Variants in RORA observed in about 807,000 individuals in gnomAD.
RORA encodes the protein nuclear receptor ROR-alpha.
In RORA, 7 loss-of-function variants were observed where a neutral mutation model predicts 69.5. The observed-to-expected ratio is 0.10, with a 90% CI of 0.06 to 0.19. The LOEUF is 0.19. Ranked by LOEUF, RORA falls within the 10% of genes least tolerant of loss-of-function variation. RORA has a pLI of 1.00. For synonymous variants in RORA, 261 were observed against 240.8 expected, an observed-to-expected ratio of 1.08 and a Z score of -0.78; for missense variants, 457 against 663.0, an observed-to-expected ratio of 0.69 and a Z score of 3.41.
chr15:61,165,374 T>A (rs1022470036), intron 1 of RORA, among the ~76,000 whole-genome samples: 1 of 152,310 alleles, frequency 6.6e-6, no homozygotes, highest in East Asian at 1.9e-4. Context: ...CCCCTCTTTA[T>A]TTCCAGAGCA....
At chr15:60,500,048 G>C in intron 9 of RORA, 44 bp from the exon 10 acceptor site, 1 of 1,195,358 alleles carries the variant, frequency 8.4e-7, no homozygotes, top group Non-Finnish European at 1.2e-6. Context: ...CTCTGACATG[G>C]TGTCAGGATC....
In RORA at chr15:61,095,884, C is replaced by G. The variant is rs75321077; in HGVS notation, c.166+133169G>C. On this transcript the variant is annotated intron_variant, in intron 1 of 10. Transcript: ENST00000335670. ...TCTAAAAGTCAGGACAACTTCCAAA[C>G]TGGCCCATCTTTTCTACTAAAGGCC... is the stretch of plus-strand genomic sequence containing the variant. 8.0e-3 allele frequency among the ~76,000 whole-genome samples: 1,213 copies of G among 152,316 alleles called. 39 individuals are homozygous for G. The East Asian group carries it at 0.1, about 13-fold the overall frequency.
At chr15:60,568,007 A>G (rs1171600979) in intron 2 of RORA, among the ~76,000 whole-genome samples, 4 of 152,170 alleles carry the variant, frequency 2.6e-5, no homozygotes, top group African/African-American at 9.7e-5. Flanking sequence ...TTTGTGTGAG[A>G]TAATTCTTTG....
chr15:60,798,950 T>C (rs888030754), intron 1 of RORA, among the ~76,000 whole-genome samples: 1 of 151,060 alleles, frequency 6.6e-6, no homozygotes, highest in Non-Finnish European at 1.5e-5. Context: ...TTTTTTTTTT[T>C]TAAACTCAAG....
intron 2 of RORA, among the ~76,000 whole-genome samples, chr15:60,611,629 A>G (rs536826222): frequency 6.9e-6 from 1 of 144,000 alleles, no homozygotes; most frequent in South Asian, 2.3e-4. Flanking sequence ...GAGAACTCTT[A>G]GCACCTAGTA....
intron 2 of RORA, among the ~76,000 whole-genome samples, chr15:60,550,858 C>G (rs889544891): frequency 3.3e-5 from 5 of 152,110 alleles, no homozygotes; most frequent in African/African-American, 9.7e-5. Context: ...ATTGAATGAA[C>G]TCATTACCAC....
At position 60,511,120 on chromosome 15, in the gene RORA, G is replaced by A; in HGVS notation, c.820+106C>T. 1.6e-6 allele frequency: 2 copies of A among 1,265,780 alleles called. No homozygotes were observed. Among genetic ancestry groups the A allele is most frequent in the South Asian group, 1.5e-5 (1 of 68,330 alleles). 78.4% of individuals were successfully genotyped at this position (1,265,780 alleles called of 1,614,324 possible). ...AAATTAAGTGGCCCAAATGGTAAAGGTGAATTGCATCATTTAGCAGAACTC... is the reference window on the plus strand; with the variant it reads ...AAATTAAGTGGCCCAAATGGTAAAGATGAATTGCATCATTTAGCAGAACTC... On this transcript the variant is annotated intron_variant, in intron 5 of 10. Transcript: ENST00000335670. The surrounding 1 kb of genome is among the most constrained non-coding windows in gnomAD (Gnocchi z 6.4).
At chr15:61,086,936 G>A (rs547507057) in intron 1 of RORA, among the ~76,000 whole-genome samples, 1 of 152,300 alleles carries the variant, frequency 6.6e-6, no homozygotes, top group South Asian at 2.1e-4. Flanking sequence ...GCTTTTGTAG[G>A]CCAAGGCGGA....
chr15:60,527,611 T>C (rs753615237), intron 3 of RORA, among the ~76,000 whole-genome samples: 1 of 152,240 alleles, frequency 6.6e-6, no homozygotes. Flanking sequence ...CTAAAAACCT[T>C]GCAGGCCTGG....
intron 1 of RORA, among the ~76,000 whole-genome samples, chr15:60,956,556 G>T (rs889684074): frequency 6.6e-6 from 1 of 152,186 alleles, no homozygotes; most frequent in Non-Finnish European, 1.5e-5. Flanking sequence ...ATGTCTGTAC[G>T]ATGCACTAGC....
chr15:60,826,418 C>T (rs2072957632), intron 1 of RORA, among the ~76,000 whole-genome samples: 1 of 152,214 alleles, frequency 6.6e-6, no homozygotes, highest in Non-Finnish European at 1.5e-5. Flanking sequence ...AATTTCCAGC[C>T]TGGCTGCTGA....
At chr15:60,591,978 A>G (rs914865862) in intron 2 of RORA, among the ~76,000 whole-genome samples, 2 of 151,738 alleles carry the variant, frequency 1.3e-5, no homozygotes, top group Admixed American at 1.3e-4. Context: ...CCTAGGCCGG[A>G]GCTGTCCCGG....
intron 1 of RORA, among the ~76,000 whole-genome samples, chr15:61,091,137 C>T (rs1190675862): frequency 1.3e-5 from 2 of 152,048 alleles, no homozygotes; most frequent in South Asian, 2.1e-4. Flanking sequence ...TTTTTGTATC[C>T]GAGCCATGCC....
intron 2 of RORA, among the ~76,000 whole-genome samples, chr15:60,610,443 C>T (rs17237297): frequency 0.19 from 29,343 of 151,996 alleles, 3,605 homozygotes; most frequent in East Asian, 0.46. Flanking sequence ...TTGGGAGAGA[C>T]GTGCTCTTTG....
At chr15:61,221,170 C>T (rs1330791957) in intron 1 of RORA, among the ~76,000 whole-genome samples, 1 of 152,210 alleles carries the variant, frequency 6.6e-6, no homozygotes, top group Non-Finnish European at 1.5e-5. Flanking sequence ...GAAAAAATTA[C>T]ACCATGTGCA....
intron 1 of RORA, among the ~76,000 whole-genome samples, chr15:61,106,282 G>C (rs530007129): frequency 3.3e-5 from 5 of 152,316 alleles, no homozygotes; most frequent in African/African-American, 1.2e-4. Context: ...GGTATTAATA[G>C]TATAGCCAGA....
intron 1 of RORA, among the ~76,000 whole-genome samples, chr15:61,009,911 G>C (rs1443697341): frequency 6.6e-6 from 1 of 152,124 alleles, no homozygotes; most frequent in East Asian, 1.9e-4. Flanking sequence ...GTGCAGATCT[G>C]ACTGCAGCTT....
At chr15:60,736,195 C>A (rs745475166) in intron 1 of RORA, among the ~76,000 whole-genome samples, 2 of 152,114 alleles carry the variant, frequency 1.3e-5, no homozygotes, top group African/African-American at 4.8e-5. Flanking sequence ...CTTTTTTTCC[C>A]CTGGTCCCAA....
intron 1 of RORA, among the ~76,000 whole-genome samples, chr15:60,755,319 C>CT (rs952653102): frequency 1.3e-5 from 2 of 151,744 alleles, no homozygotes; most frequent in African/African-American, 4.8e-5. Flanking sequence ...TGAACTCATC[C>CT]TTTTTTACGG....
Sources: gnomAD v4.1 joint callset for allele counts (sites outside exome capture counted in the v4.1 genomes callset) on GRCh38, gnomAD v4.1.1 for gene constraint, Gnocchi (gnomAD v3.1) non-coding constraint, MANE v1.5 for transcripts, NCBI Gene and HGNC (gene_info 2026-07-23, HGNC 2026-07-21) for gene names.